Variants in ABHD17B observed in about 807,000 individuals in gnomAD.
The protein encoded by ABHD17B is abhydrolase domain containing 17B, depalmitoylase.
In ABHD17B, 9 loss-of-function variants were observed where a neutral mutation model predicts 26.2. The ratio of observed to expected loss-of-function variants is 0.34; its 90% CI spans 0.21 to 0.60. The LOEUF (loss-of-function observed/expected upper bound fraction) is 0.60, where lower values mean the gene tolerates loss of function less well. Among genes scored for constraint, ABHD17B ranks in the 20% least tolerant of loss-of-function variants. The pLI is 0.80. For missense variants in ABHD17B, 224 were observed against 352.1 expected (o/e 0.64, Z 2.91); for synonymous variants, 127 against 122.3 (o/e 1.04, Z -0.25).
At chr9:71,888,011 G>A (rs2132171921) in intron 1 of ABHD17B, among the ~76,000 whole-genome samples, 1 of 152,310 alleles carries the variant, frequency 6.6e-6, no homozygotes. Context: ...CTTGTAAGCT[G>A]AAGTTGCAAG....
intron 1 of ABHD17B, among the ~76,000 whole-genome samples, chr9:71,883,472 GC>G (rs1826511014): frequency 1.3e-5 from 2 of 152,314 alleles, no homozygotes; most frequent in Non-Finnish European, 1.5e-5. Flanking sequence ...AGTAGATTGT[GC>G]TGGGAAAACT....
downstream of ABHD17B, among the ~76,000 whole-genome samples, chr9:71,863,454 C>T (rs1248732638): frequency 6.6e-6 from 1 of 152,200 alleles, no homozygotes; most frequent in Non-Finnish European, 1.5e-5. Context: ...CAATTTAATT[C>T]TACATCATAC....
At chr9:71,892,924 C>A (rs1210377014) in intron 1 of ABHD17B, among the ~76,000 whole-genome samples, 3 of 152,168 alleles carry the variant, frequency 2.0e-5, no homozygotes, top group Non-Finnish European at 4.4e-5. Context: ...TCTATACCCA[C>A]TAAACAATAA....
At chr9:71,886,149 G>C (rs1007911847) in intron 1 of ABHD17B, among the ~76,000 whole-genome samples, 1 of 152,142 alleles carries the variant, frequency 6.6e-6, no homozygotes, top group African/African-American at 2.4e-5. Context: ...GTAATCTGTA[G>C]TAGTATTCAA....
intron 1 of ABHD17B, among the ~76,000 whole-genome samples, chr9:71,881,084 CA>C (rs1465635474): frequency 7.2e-5 from 11 of 152,028 alleles, no homozygotes; most frequent in African/African-American, 2.6e-4. Flanking sequence ...TCACACTTCC[CA>C]ATTTCAAAAC....
chr9:71,879,402 C>A (rs1172071224), intron 1 of ABHD17B, among the ~76,000 whole-genome samples: 1 of 152,032 alleles, frequency 6.6e-6, no homozygotes, highest in Non-Finnish European at 1.5e-5. Flanking sequence ...TGCTGGGGTA[C>A]CTGACTTGTT....
At chr9:71,901,767 T>C (rs1157820977) in intron 1 of ABHD17B, among the ~76,000 whole-genome samples, 1 of 152,174 alleles carries the variant, frequency 6.6e-6, no homozygotes, top group African/African-American at 2.4e-5. Context: ...CCAAACCTCT[T>C]AGCCACATTT....
rs1825980072 is a variant in ABHD17B at position 71,867,082 on chromosome 9, C to G, written c.648-76G>C. Reference sequence around the variant, plus strand: ...GAACATATTCTTGTGCTATATCAGACAGATAATTCAAATATGAGAATTGTA... The same window carrying G: ...GAACATATTCTTGTGCTATATCAGAGAGATAATTCAAATATGAGAATTGTA... On this transcript the variant is annotated intron_variant, in intron 3 of 3. Coordinates refer to ENST00000333421, the MANE Select transcript of ABHD17B (RefSeq NM_001025780.3). The G allele has an allele frequency of 3.2e-5, 47 of 1,471,612 alleles. No homozygotes were observed. In the South Asian group the frequency reaches 4.9e-4, roughly 15 times the overall value. 91.2% of individuals were successfully genotyped at this position (1,471,612 alleles called of 1,614,324 possible). A position where few individuals can be genotyped will look rare whatever the true frequency, so the allele number is the denominator to read the frequency against.
In ABHD17B at chr9:71,875,047, G is replaced by A. The variant is rs1826225494; in HGVS notation, c.34C>T (p.Leu12Phe). 1 of 1,612,638 alleles carries A rather than the reference G, an allele frequency of 6.2e-7. No individual in the cohort carries two copies. The highest frequency in any genetic ancestry group is 8.5e-7 in the Non-Finnish European group (1 of 1,179,048). ...CCTGGACAAGGTGGACAGCAGAAGA[G>A]GCAACATAGCTCACTAAATGAAAGA... Reference protein sequence around the residue: ...NNLSFSELCCLFCCPPCPGKI... With the variant: ...NNLSFSELCCFFCCPPCPGKI... The change falls in exon 2 of 4, where the codon CTC becomes TTC. Residue 12 changes from leucine (L) to phenylalanine (F), a missense_variant. Leu to Phe is a conservative substitution (Grantham distance 22). Coordinates refer to ENST00000333421, the MANE Select transcript of ABHD17B (RefSeq NM_001025780.3).
chr9:71,881,898 CAAA>C (rs974132843), intron 1 of ABHD17B, among the ~76,000 whole-genome samples: 3 of 119,986 alleles, frequency 2.5e-5, no homozygotes, highest in Admixed American at 8.4e-5. Flanking sequence ...AAAAACAAAC[CAAA>C]AAAAAAAGGA....
intron 1 of ABHD17B, among the ~76,000 whole-genome samples, chr9:71,892,136 G>A (rs1402271413): frequency 6.6e-6 from 1 of 152,142 alleles, no homozygotes; most frequent in Non-Finnish European, 1.5e-5. Flanking sequence ...TAACTAAGAT[G>A]TTCTCATAAG....
In ABHD17B at chr9:71,865,699, A is replaced by G. The variant is rs2132116380; in HGVS notation, c.*1088T>C. ...AACATGGCAAAACCCTGTCTCTACT[A>G]AAAATACAAAAATTAGCCAGGCGTG... On this transcript the variant is annotated 3_prime_UTR_variant, in exon 4 of 4. Transcript: ENST00000333421. The G allele has an allele frequency of 3.1e-6, 2 of 636,750 alleles. No homozygotes were observed. The highest frequency in any genetic ancestry group is 3.9e-6 in the Non-Finnish European group (2 of 511,956). The allele number at this position is 636,750 out of a possible 1,614,324, so 39.4% of individuals were successfully genotyped here.
chr9:71,876,088 C>CATGT (rs1158999997), intron 1 of ABHD17B, among the ~76,000 whole-genome samples: 4 of 152,020 alleles, frequency 2.6e-5, no homozygotes, highest in South Asian at 2.1e-4. Context: ...TGTATGCATG[C>CATGT]ATGTATGTAT....
At chr9:71,862,631 A>G (rs765813270), downstream of ABHD17B, 9 of 986,840 alleles carry the variant, frequency 9.1e-6, no homozygotes, top group East Asian at 4.8e-5. Context: ...GGATTAGGCT[A>G]TATCATCTCT....
At chr9:71,883,589 A>G (rs1267888845) in intron 1 of ABHD17B, among the ~76,000 whole-genome samples, 8 of 152,242 alleles carry the variant, frequency 5.3e-5, no homozygotes, top group Non-Finnish European at 1.2e-4. Context: ...CACAATCCAC[A>G]AAAGACAAAC....
intron 2 of ABHD17B, among the ~76,000 whole-genome samples, chr9:71,873,131 C>A (rs1479127626): frequency 2.0e-5 from 3 of 151,856 alleles, no homozygotes; most frequent in African/African-American, 4.8e-5. Context: ...CCTATAGCTT[C>A]AGTCTAAAAC....
In ABHD17B at chr9:71,866,638, C is replaced by T. The variant is rs1825963044; in HGVS notation, c.*149G>A. On this transcript the variant is annotated 3_prime_UTR_variant, in exon 4 of 4. Coordinates refer to ENST00000333421, the MANE Select transcript of ABHD17B (RefSeq NM_001025780.3). ...AGTTTTTAGTTCTGGTAATTAAAAC[C>T]TTCATTAAGTCTGTTAACAAATCAT... The T allele has an allele frequency of 5.6e-6, 8 of 1,440,212 alleles. No homozygotes were observed. The South Asian group carries it at 1.1e-4, about 19-fold the overall frequency. The allele number at this position is 1,440,212 out of a possible 1,614,324, so 89.2% of individuals were successfully genotyped here.
At chr9:71,864,516 G>A (rs1368965787), downstream of ABHD17B, among the ~76,000 whole-genome samples, 1 of 151,976 alleles carries the variant, frequency 6.6e-6, no homozygotes, top group Non-Finnish European at 1.5e-5. Context: ...ACCGCCCCTG[G>A]CCCAGTCTTC....
At chr9:71,909,490 G>C (rs573485634) in intron 1 of ABHD17B, among the ~76,000 whole-genome samples, 4 of 152,132 alleles carry the variant, frequency 2.6e-5, no homozygotes, top group Non-Finnish European at 5.9e-5. Context: ...CATATGTAGA[G>C]AAACTCTTTA....
Sources: allele counts gnomAD v4.1 joint callset (sites outside exome capture counted in the v4.1 genomes callset), GRCh38; gene constraint gnomAD v4.1.1; transcripts MANE v1.5; gene names NCBI Gene and HGNC (gene_info 2026-07-23, HGNC 2026-07-21).